Variants in HDAC8 observed in about 807,000 individuals in gnomAD.
HDAC8 encodes the protein histone deacetylase-like 1.
Under a neutral mutation model 32.2 loss-of-function variants are expected in HDAC8, and 1 was observed. That is an observed-to-expected ratio of 0.03 (90% CI 0.01 to 0.15). The LOEUF (loss-of-function observed/expected upper bound fraction) is 0.15. HDAC8 is among the 10% of genes least tolerant of loss of function. The probability of loss-of-function intolerance (pLI) is 1.00; values close to 1 mark genes in which losing one functional copy is unlikely to be tolerated. For synonymous variants in HDAC8, 108 were observed against 113.9 expected (o/e 0.95, Z 0.33); for missense variants, 117 against 300.0 (o/e 0.39, Z 4.51).
In HDAC8 at chrX:72,416,419, T is replaced by G. The variant is rs989112455; in HGVS notation, c.1005+45585A>C. ...TTTGTGTCTTCTCTGTTTTTTTTTT[T>G]TTTTTTTTTTTTTTTTTTTTTTTTT... is the stretch of plus-strand genomic sequence containing the variant. On this transcript the variant is annotated intron_variant, in intron 9 of 10. Coordinates refer to ENST00000373573, the MANE Select transcript of HDAC8 (RefSeq NM_018486.3). 8.1e-5 allele frequency among the ~76,000 whole-genome samples: 6 copies of G among 73,818 alleles called. No individual in the cohort carries two copies. In the Admixed American group the frequency reaches 9.2e-4, roughly 11 times the overall value. The allele number at this position is 73,818 out of a possible 115,157, so 64.1% of individuals were successfully genotyped here.
chrX:72,464,430 C>G lies in HDAC8; in HGVS notation c.910+129G>C, dbSNP rs906758010. 135 of 554,607 alleles carry G rather than the reference C, an allele frequency of 2.4e-4. 1 individual carries two copies. The highest frequency in any genetic ancestry group is 2.3e-3 in the South Asian group (93 of 40,270). 45.7% of individuals were successfully genotyped at this position (554,607 alleles called of 1,213,427 possible). A position where few individuals can be genotyped will look rare whatever the true frequency, so the allele number is the denominator to read the frequency against. ...CTGTGGAGGTGGCAGATTTTATTGA[C>G]TCAGGCTTCTGGGCCTCAGGTAGGT... On this transcript the variant is annotated intron_variant, in intron 8 of 10. Transcript: ENST00000373573.
chrX:72,484,203 A>G (rs1556004570), intron 7 of HDAC8, among the ~76,000 whole-genome samples: 1 of 111,985 alleles, frequency 8.9e-6, no homozygotes, highest in Non-Finnish European at 1.9e-5. Flanking sequence ...CATAGAACTC[A>G]AGGCAAATAG....
intron 6 of HDAC8, among the ~76,000 whole-genome samples, chrX:72,489,797 C>A (rs1457526538): frequency 1.8e-5 from 2 of 111,020 alleles, no homozygotes; most frequent in East Asian, 5.7e-4. Flanking sequence ...AAAGAAACTA[C>A]CATCAGAGTG....
intron 4 of HDAC8, among the ~76,000 whole-genome samples, chrX:72,549,623 T>C (rs1556064422): frequency 3.6e-5 from 4 of 111,844 alleles, no homozygotes; most frequent in African/African-American, 1.3e-4. Context: ...TTATCAGCTC[T>C]CTAATAGACA....
intron 9 of HDAC8, among the ~76,000 whole-genome samples, chrX:72,438,075 ACATCT>A (rs1486325182): frequency 2.7e-5 from 3 of 112,189 alleles, no homozygotes; most frequent in Admixed American, 9.4e-5. Context: ...GGGTCAACAG[ACATCT>A]CATACAGGAG....
intron 9 of HDAC8, among the ~76,000 whole-genome samples, chrX:72,399,915 G>C (rs1351791410): frequency 9.0e-6 from 1 of 111,523 alleles, no homozygotes; most frequent in African/African-American, 3.3e-5. Flanking sequence ...TTTTCACCTA[G>C]CTCCATCAAA....
chrX:72,560,437 G>C (rs1485717777), intron 4 of HDAC8, among the ~76,000 whole-genome samples: 37 of 107,625 alleles, frequency 3.4e-4, no homozygotes, highest in African/African-American at 1.3e-3. Flanking sequence ...AAGGCCGCAG[G>C]GTCCTCTGCC....
intron 4 of HDAC8, among the ~76,000 whole-genome samples, chrX:72,514,985 CTG>C (rs782143937): frequency 2.7e-5 from 3 of 111,677 alleles, no homozygotes; most frequent in Non-Finnish European, 3.8e-5. Context: ...TACATATACA[CTG>C]TGAAATAACC....
Position 72,418,707 on chromosome X carries a change from C to T in HDAC8, c.1005+43297G>A, listed in dbSNP as rs191825177. Among the ~76,000 whole-genome samples, 7 of 111,781 alleles carry T rather than the reference C, an allele frequency of 6.3e-5. 1 individual carries two copies. The highest frequency in any genetic ancestry group is 1.3e-4 in the Non-Finnish European group (7 of 52,897). On this transcript the variant is annotated intron_variant, in intron 9 of 10. Coordinates refer to ENST00000373573, the MANE Select transcript of HDAC8 (RefSeq NM_018486.3). Reference sequence around the variant, plus strand: ...GGTATATACTCAAAGGAATAGAAATCATTCTTCCATAAAGACACATGCATT... The same window carrying T: ...GGTATATACTCAAAGGAATAGAAATTATTCTTCCATAAAGACACATGCATT...
At chrX:72,390,934 G>GT (rs1473777501) in intron 9 of HDAC8, among the ~76,000 whole-genome samples, 2 of 111,770 alleles carry the variant, frequency 1.8e-5, no homozygotes, top group Admixed American at 9.5e-5. Flanking sequence ...AATAATAAAA[G>GT]TTTATCTTCT....
At chrX:72,358,949 G>A (rs1462420304) in intron 9 of HDAC8, among the ~76,000 whole-genome samples, 1 of 112,121 alleles carries the variant, frequency 8.9e-6, no homozygotes, top group African/African-American at 3.2e-5. Context: ...GTGGAGCTCA[G>A]ATGGTAATGC....
Position 72,420,210 on chromosome X carries a change from G to C in HDAC8, c.1005+41794C>G, listed in dbSNP as rs1273532399. On this transcript the variant is annotated intron_variant, in intron 9 of 10. Transcript: ENST00000373573. Reference sequence around the variant, plus strand: ...TAAATGTCTGGTAGAATTCACCAGTGAAAGTTTCTGGTCCTTGGCTTTCCT... The same window carrying C: ...TAAATGTCTGGTAGAATTCACCAGTCAAAGTTTCTGGTCCTTGGCTTTCCT... Among the ~76,000 whole-genome samples, 3 of 111,710 alleles carry C rather than the reference G, an allele frequency of 2.7e-5. No individual in the cohort carries two copies. In the Admixed American group the frequency reaches 2.8e-4, roughly 11 times the overall value.
At chrX:72,443,533 G>A (rs1401453517) in intron 9 of HDAC8, among the ~76,000 whole-genome samples, 1 of 111,987 alleles carries the variant, frequency 8.9e-6, no homozygotes, top group African/African-American at 3.3e-5. Flanking sequence ...CACATTCAAA[G>A]CAGTGTGTAG....
intron 9 of HDAC8, among the ~76,000 whole-genome samples, chrX:72,453,650 G>T (rs2047649244): frequency 9.0e-6 from 1 of 111,605 alleles, no homozygotes. Flanking sequence ...AATAGTGGTT[G>T]AAATATTTCC....
chrX:72,378,590 T>G (rs1270245785), intron 9 of HDAC8, among the ~76,000 whole-genome samples: 1 of 112,009 alleles, frequency 8.9e-6, no homozygotes, highest in Non-Finnish European at 1.9e-5. Context: ...ACATAAATAC[T>G]TTTTTCCCAT....
intron 9 of HDAC8, among the ~76,000 whole-genome samples, chrX:72,411,032 T>TTTCTTTTCTTTCTTTCTTTCTTTC (rs2012772466): frequency 9.8e-6 from 1 of 102,507 alleles, no homozygotes; most frequent in African/African-American, 3.6e-5. Context: ...CTTTCTTTCT[T>TTTCTTTTCTTTCTTTCTTTCTTTC]TTTTTTTTTT....
chrX:72,396,143 A>T (rs1389604197), intron 9 of HDAC8, among the ~76,000 whole-genome samples: 1 of 112,258 alleles, frequency 8.9e-6, no homozygotes, highest in Non-Finnish European at 1.9e-5. Context: ...CTACTAGCCC[A>T]GTGGTTTCTG....
intron 7 of HDAC8, among the ~76,000 whole-genome samples, chrX:72,486,728 G>A (rs2048689213): frequency 1.8e-5 from 2 of 111,588 alleles, no homozygotes; most frequent in Admixed American, 9.5e-5. Context: ...AGTACAGCAG[G>A]GGTGAGGATG....
chrX:72,411,304 A>G (rs2046190473), intron 9 of HDAC8, among the ~76,000 whole-genome samples: 1 of 110,818 alleles, frequency 9.0e-6, no homozygotes. Context: ...GATTGCAGGC[A>G]TGAGCCACCG....
Sources: allele counts gnomAD v4.1 joint callset (sites outside exome capture counted in the v4.1 genomes callset), GRCh38; gene constraint gnomAD v4.1.1; transcripts MANE v1.5; gene names NCBI Gene and HGNC (gene_info 2026-07-23, HGNC 2026-07-21).